The following CSMD1 variants were observed in gnomAD, a reference collection of about 807,000 sequenced individuals.
CSMD1 encodes CUB and Sushi multiple domains 1, also known as CUB and sushi domain-containing protein 1.
Under a neutral mutation model 417.5 loss-of-function variants are expected in CSMD1, and 213 were observed. The ratio of observed to expected loss-of-function variants is 0.51; its 90% CI spans 0.46 to 0.57. CSMD1 has a LOEUF of 0.57. Ranked by LOEUF, CSMD1 falls within the 20% of genes least tolerant of loss-of-function variation. CSMD1 has a pLI of 0.00. For synonymous variants in CSMD1, 2,862 were observed against 1,736.8 expected (o/e 1.65, Z -16.11); for missense variants, 6,923 against 4,529.7 (o/e 1.53, Z -15.17).
chr8:4,038,300 CA>C (rs1491203806), intron 3 of CSMD1, among the ~76,000 whole-genome samples: 1 of 151,532 alleles, frequency 6.6e-6, no homozygotes, highest in Non-Finnish European at 1.5e-5. Flanking sequence ...TTTCAAACAC[CA>C]AAAAACGCAA....
intron 3 of CSMD1, among the ~76,000 whole-genome samples, chr8:4,132,874 C>G (rs1312806341): frequency 6.6e-6 from 1 of 152,132 alleles, no homozygotes. Flanking sequence ...GAAATTTATT[C>G]TATTTCTAGA....
intron 5 of CSMD1, among the ~76,000 whole-genome samples, chr8:3,959,632 T>A (rs567697954): frequency 3.3e-5 from 5 of 152,334 alleles, no homozygotes; most frequent in Middle Eastern, 3.4e-3. Context: ...TCACTTGTAA[T>A]TTATGTTTTT....
chr8:3,737,664 G>A (rs1390719245), intron 6 of CSMD1, among the ~76,000 whole-genome samples: 1 of 152,100 alleles, frequency 6.6e-6, no homozygotes, highest in Non-Finnish European at 1.5e-5. Flanking sequence ...AATCCACACT[G>A]ACCAGGAAAA....
At chr8:4,913,854 G>A (rs191570872) in intron 1 of CSMD1, among the ~76,000 whole-genome samples, 1 of 152,298 alleles carries the variant, frequency 6.6e-6, no homozygotes, top group African/African-American at 2.4e-5. Context: ...GCCAGCAGCT[G>A]TTAAGGGATA....
At chr8:4,911,500 A>C (rs1046035808) in intron 1 of CSMD1, among the ~76,000 whole-genome samples, 1 of 152,170 alleles carries the variant, frequency 6.6e-6, no homozygotes, top group African/African-American at 2.4e-5. Context: ...CCTCAATGTC[A>C]TTAACATTCC....
intron 3 of CSMD1, among the ~76,000 whole-genome samples, chr8:4,118,476 C>A (rs958018581): frequency 2.2e-3 from 42 of 19,396 alleles, no homozygotes; most frequent in Non-Finnish European, 3.4e-3. Context: ...ATGCAGCCAG[C>A]AAACATATAG....
chr8:3,782,110 G>A (rs1464334257), intron 5 of CSMD1, among the ~76,000 whole-genome samples: 1 of 152,136 alleles, frequency 6.6e-6, no homozygotes, highest in Admixed American at 6.5e-5. Flanking sequence ...GAGCCATGAA[G>A]AATGTAGGGG....
At chr8:4,257,363 C>T (rs1054574627) in intron 3 of CSMD1, among the ~76,000 whole-genome samples, 2 of 151,964 alleles carry the variant, frequency 1.3e-5, no homozygotes, top group African/African-American at 4.8e-5. Context: ...TAATTTTCTC[C>T]TTTAGAAAAT....
At chr8:3,847,959 T>G (rs1803623285) in intron 5 of CSMD1, among the ~76,000 whole-genome samples, 1 of 152,112 alleles carries the variant, frequency 6.6e-6, no homozygotes, top group Non-Finnish European at 1.5e-5. Context: ...AACCAATGAT[T>G]TTTATTTATT....
chr8:3,178,775 T>C (rs1821101927), intron 37 of CSMD1, among the ~76,000 whole-genome samples: 1 of 152,150 alleles, frequency 6.6e-6, no homozygotes, highest in African/African-American at 2.4e-5. Flanking sequence ...AATAAAAATC[T>C]GAATTTAGAG....
intron 1 of CSMD1, chr8:4,788,076 G>C (rs923994439): frequency 1.5e-5 from 24 of 1,601,096 alleles, no homozygotes; most frequent in Non-Finnish European, 2.0e-5. Flanking sequence ...TGCAGAGAAA[G>C]TAGAGTTGCT....
At chr8:3,692,575 C>T (rs188009528) in intron 7 of CSMD1, among the ~76,000 whole-genome samples, 30 of 152,174 alleles carry the variant, frequency 2.0e-4, no homozygotes, top group Admixed American at 1.7e-3. Flanking sequence ...TCTGGGATAA[C>T]AGGCATGTCA....
intron 51 of CSMD1, among the ~76,000 whole-genome samples, chr8:3,023,254 C>A (rs1809591211): frequency 6.6e-6 from 1 of 152,168 alleles, no homozygotes; most frequent in Non-Finnish European, 1.5e-5. Context: ...AGGCCATGTT[C>A]TTTGAATATC....
chr8:4,590,521 C>A (rs899302575), intron 2 of CSMD1, among the ~76,000 whole-genome samples: 1 of 151,912 alleles, frequency 6.6e-6, no homozygotes, highest in Non-Finnish European at 1.5e-5. Flanking sequence ...GAAGCGCTAG[C>A]ATAATACCTG....
intron 5 of CSMD1, among the ~76,000 whole-genome samples, chr8:3,951,765 G>C (rs182477112): frequency 8.2e-4 from 125 of 152,242 alleles, no homozygotes; most frequent in African/African-American, 2.7e-3. Flanking sequence ...AGTAGAAAAT[G>C]AGGGTGACCT....
intron 1 of CSMD1, among the ~76,000 whole-genome samples, chr8:4,838,403 A>G (rs895931701): frequency 6.6e-6 from 1 of 152,220 alleles, no homozygotes; most frequent in South Asian, 2.1e-4. Context: ...TTGCAACCTG[A>G]TATTTGTTCT....
At chr8:4,955,692 G>C (rs1289227018) in intron 1 of CSMD1, among the ~76,000 whole-genome samples, 1 of 146,698 alleles carries the variant, frequency 6.8e-6, no homozygotes, top group Admixed American at 7.0e-5. Context: ...CTGACCTCAG[G>C]TGATCCACCC....
intron 25 of CSMD1, chr8:3,284,646 G>C: frequency 3.0e-6 from 1 of 337,774 alleles, no homozygotes; most frequent in Non-Finnish European, 5.6e-6. Flanking sequence ...CCAGATCTCT[G>C]TATAATTTAA....
chr8:4,421,449 A>T (rs1797244105), intron 2 of CSMD1, among the ~76,000 whole-genome samples: 1 of 152,124 alleles, frequency 6.6e-6, no homozygotes, highest in African/African-American at 2.4e-5. Flanking sequence ...AACAAACCTC[A>T]AACTATATAA....
Sources: gnomAD v4.1 joint callset for allele counts (sites outside exome capture counted in the v4.1 genomes callset) on GRCh38, gnomAD v4.1.1 for gene constraint, MANE v1.5 for transcripts, NCBI Gene and HGNC (gene_info 2026-07-23, HGNC 2026-07-21) for gene names.